SLC51B: variants seen among roughly 807,000 people sequenced by gnomAD.
SLC51B encodes the protein organic solute transporter subunit beta.
SLC51B carries 6 observed loss-of-function variants against 8.0 expected under a neutral mutation model. The ratio of observed to expected loss-of-function variants is 0.75; its 90% CI spans 0.41 to 1.48. SLC51B has a LOEUF of 1.48. Among genes scored for constraint, SLC51B ranks in the 40% most tolerant of loss-of-function variants. The pLI, the probability that SLC51B is intolerant of heterozygous loss-of-function variation, is 0.01. For synonymous variants in SLC51B, 61 were observed against 54.8 expected (o/e 1.11, Z -0.50); for missense variants, 150 against 149.7 (o/e 1.00, Z -0.01).
chr15:65,050,925 AG>A (rs1253994630), intron 2 of SLC51B, among the ~76,000 whole-genome samples: 17 of 145,394 alleles, frequency 1.2e-4, no homozygotes, highest in Non-Finnish European at 4.5e-5. Flanking sequence ...GCTCACTGCA[AG>A]CTCTGCCTCC....
chr15:65,052,399 C>CTTTT (rs34021026), intron 3 of SLC51B, among the ~76,000 whole-genome samples: 6 of 76,338 alleles, frequency 7.9e-5, no homozygotes, highest in Admixed American at 1.5e-4. Context: ...GCATCCTTGG[C>CTTTT]TTTTTTTTTT....
At chr15:65,049,413 C>T (rs1434564551) in intron 1 of SLC51B, 1 of 152,168 alleles carries the variant, frequency 6.6e-6, no homozygotes, top group Admixed American at 6.5e-5. Context: ...GCTGCCTTTC[C>T]CTCCGGCACT....
At chr15:65,050,230 A>T in intron 2 of SLC51B, 129 bp downstream of exon 2, 1 of 732,946 alleles carries the variant, frequency 1.4e-6, no homozygotes, top group South Asian at 1.8e-5. Context: ...ACAGGGAATC[A>T]GTCGGGGTGT....
rs530761862 is a variant in SLC51B, at chr15:65,050,316, C to T, written c.97+215C>T. Among the ~76,000 whole-genome samples, 14 of 152,326 alleles carry T rather than the reference C, an allele frequency of 9.2e-5. No homozygotes were observed. The South Asian group carries it at 2.7e-3, about 29-fold the overall frequency. Reference sequence around the variant, plus strand: ...GTGGTCGCTTATTTATGCAGCCCTCCAATCATCACATTTATTAAGCTCCTA... The same window carrying T: ...GTGGTCGCTTATTTATGCAGCCCTCTAATCATCACATTTATTAAGCTCCTA... On this transcript the variant is annotated intron_variant, in intron 2 of 3. Coordinates refer to ENST00000334287, the MANE Select transcript of SLC51B (RefSeq NM_178859.4).
chr15:65,048,494 T>C (rs2086605499), intron 1 of SLC51B, among the ~76,000 whole-genome samples: 1 of 152,206 alleles, frequency 6.6e-6, no homozygotes, highest in Admixed American at 6.5e-5. Context: ...GGGGCTGAGA[T>C]TGTTGAGCAC....
In SLC51B at chr15:65,049,030, G is replaced by A. The variant is rs1054711169; in HGVS notation, c.-108-867G>A. Among the ~76,000 whole-genome samples the A allele has an allele frequency of 3.6e-4, 52 of 144,322 alleles. 1 individual carries two copies. Among genetic ancestry groups the A allele is most frequent in the African/African-American group, 8.9e-4 (35 of 39,446 alleles). 94.7% of individuals were successfully genotyped at this position (144,322 alleles called of 152,430 possible). A position where few individuals can be genotyped will look rare whatever the true frequency, so the allele number is the denominator to read the frequency against. ...GTCTCAAAAAAAAAAAAAAAAAAGCGAAATAACTTAACAATTTTAATATTG... is the reference window on the plus strand; with the variant it reads ...GTCTCAAAAAAAAAAAAAAAAAAGCAAAATAACTTAACAATTTTAATATTG... On this transcript the variant is annotated intron_variant, in intron 1 of 3. Coordinates refer to ENST00000334287, the MANE Select transcript of SLC51B (RefSeq NM_178859.4).
chr15:65,050,928 T>C (rs1357788220), intron 2 of SLC51B, among the ~76,000 whole-genome samples: 1 of 141,874 alleles, frequency 7.0e-6, no homozygotes, highest in Non-Finnish European at 1.5e-5. Context: ...CACTGCAAGC[T>C]CTGCCTCCTG....
In SLC51B at chr15:65,046,468, C is replaced by T. The variant is rs142019761; in HGVS notation, c.-109+886C>T. Among the ~76,000 whole-genome samples the T allele has an allele frequency of 3.6e-4, 55 of 151,648 alleles. No individual in the cohort carries two copies. The East Asian group carries it at 0.01, about 28-fold the overall frequency. ...CTGGGCAAAAAGAGTGAAACTCTGT[C>T]TCAAAAAAAAGAAAGAAATATGTCG... On this transcript the variant is annotated intron_variant, in intron 1 of 3. Coordinates refer to ENST00000334287, the MANE Select transcript of SLC51B (RefSeq NM_178859.4).
At position 65,053,162 on chromosome 15, in the gene SLC51B, T is replaced by C; in HGVS notation, c.385T>C (p.Ter129GlnextTer1). 6.2e-7 allele frequency: 1 copy of C among 1,613,758 alleles called. No individual in the cohort carries two copies. The highest frequency in any genetic ancestry group is 1.1e-5 in the South Asian group (1 of 91,072). Reference protein sequence around the residue: ...FLPDVPETES* With the variant: ...FLPDVPETESQ ...TCCGGATGTACCAGAAACTGAGAGC[T>C]AGTGAGGGTTCAGAGAAGCCCCATC... The change falls in exon 4 of 4, where the codon TAG (stop) becomes CAG (glutamine). Residue 129 changes from the stop codon to glutamine, a stop_lost. Coordinates refer to ENST00000334287, the MANE Select transcript of SLC51B (RefSeq NM_178859.4).
chr15:65,050,981 A>C (rs1566950850), intron 2 of SLC51B, among the ~76,000 whole-genome samples: 1 of 151,246 alleles, frequency 6.6e-6, no homozygotes, highest in Non-Finnish European at 1.5e-5. Context: ...AGTAGCTGGG[A>C]TTACAGTGTA....
intron 1 of SLC51B, among the ~76,000 whole-genome samples, chr15:65,046,713 G>C (rs1330060345): frequency 1.3e-5 from 2 of 152,120 alleles, no homozygotes; most frequent in Non-Finnish European, 2.9e-5. Context: ...AGAAGTTCAA[G>C]GCTGGCCTGG....
chr15:65,048,509 G>A (rs1033486711), intron 1 of SLC51B, among the ~76,000 whole-genome samples: 6 of 152,196 alleles, frequency 3.9e-5, no homozygotes, highest in East Asian at 3.8e-4. Context: ...GAGCACCTAA[G>A]GCAGTGACAG....
chr15:65,052,061 C>A (rs1485683215), intron 3 of SLC51B, among the ~76,000 whole-genome samples: 1 of 152,156 alleles, frequency 6.6e-6, no homozygotes, highest in Non-Finnish European at 1.5e-5. Flanking sequence ...TTGAATAAAA[C>A]CAATCTGGAG....
At chr15:65,052,288 C>T (rs1000456371) in intron 3 of SLC51B, among the ~76,000 whole-genome samples, 2 of 151,594 alleles carry the variant, frequency 1.3e-5, no homozygotes, top group Admixed American at 1.3e-4. Flanking sequence ...CAAGGACCTA[C>T]GCTAAGTAGG....
chr15:65,053,107 AAAAG>A lies in SLC51B; in HGVS notation c.332_335del (p.Lys111ArgfsTer31), dbSNP rs770073689. 3.7e-6 allele frequency: 6 copies of A among 1,614,092 alleles called. No homozygotes were observed. Among genetic ancestry groups the A allele is most frequent in the Non-Finnish European group, 5.1e-6 (6 of 1,180,054 alleles). ...ACTTGGCCCAGGTGGAACTTGAGTT[AAAAG>A]AGAGAGATGTGCTGTCAGTTTTCCT... On this transcript the variant is annotated frameshift_variant, in exon 4 of 4. Coordinates refer to ENST00000334287, the MANE Select transcript of SLC51B (RefSeq NM_178859.4). LOFTEE classifies it low-confidence loss of function (END_TRUNC).
intron 3 of SLC51B, 144 bp downstream of exon 3, chr15:65,051,749 G>A (rs950101545): frequency 2.1e-5 from 13 of 627,010 alleles, no homozygotes; most frequent in African/African-American, 5.8e-5. Context: ...AGTGTCCTTC[G>A]AGAACCCCAA....
chr15:65,049,389 A>G (rs1452944586), intron 1 of SLC51B: 2 of 151,462 alleles, frequency 1.3e-5, no homozygotes, highest in African/African-American at 4.9e-5. Flanking sequence ...CCCTCTCAGC[A>G]TCAGGAGCCG....
intron 2 of SLC51B, among the ~76,000 whole-genome samples, chr15:65,050,729 C>A (rs561159459): frequency 1.3e-5 from 2 of 152,170 alleles, no homozygotes; most frequent in East Asian, 1.9e-4. Context: ...TCTTGAGTAG[C>A]CACATTCAGT....
chr15:65,050,234 G>C, intron 2 of SLC51B, 133 bp downstream of exon 2: 1 of 724,332 alleles, frequency 1.4e-6, no homozygotes, highest in South Asian at 1.8e-5. Flanking sequence ...GGAATCAGTC[G>C]GGGTGTCTCA....
Sources: allele counts gnomAD v4.1 joint callset (sites outside exome capture counted in the v4.1 genomes callset), GRCh38; gene constraint gnomAD v4.1.1; transcripts MANE v1.5; gene names NCBI Gene and HGNC (gene_info 2026-07-23, HGNC 2026-07-21).